The following TTC34 variants were observed in gnomAD, a reference collection of about 807,000 sequenced individuals.
TTC34 encodes tetratricopeptide repeat protein 34.
A neutral mutation model predicts 40.7 loss-of-function variants in TTC34; 44 were observed. The ratio of observed to expected loss-of-function variants is 1.08; its 90% CI spans 0.85 to 1.39. The LOEUF (loss-of-function observed/expected upper bound fraction) is 1.39. Ranked by LOEUF, TTC34 falls within the 40% of genes most tolerant of loss-of-function variation. TTC34 has a pLI of 0.00. For synonymous variants in TTC34, 422 were observed against 398.6 expected (o/e 1.06, Z -0.70); for missense variants, 884 against 838.0 (o/e 1.05, Z -0.68).
chr1:2,777,129 A>G (rs1643226271), intron 6 of TTC34, among the ~76,000 whole-genome samples: 1 of 61,894 alleles, frequency 1.6e-5, no homozygotes, highest in African/African-American at 7.4e-5. Context: ...AGCACCCCAC[A>G]CCCCCAGGTG....
At chr1:2,687,684 C>T (rs1367473379) in intron 6 of TTC34, among the ~76,000 whole-genome samples, 1 of 110,298 alleles carries the variant, frequency 9.1e-6, no homozygotes, top group Admixed American at 8.4e-5. Context: ...GCAGCACGCA[C>T]ACCCCCAGTT....
chr1:2,683,456 T>G (rs1640172335), intron 6 of TTC34, among the ~76,000 whole-genome samples: 1 of 150,876 alleles, frequency 6.6e-6, no homozygotes, highest in African/African-American at 2.4e-5. Flanking sequence ...TCCGACAGCC[T>G]GGAGCAGCAC....
rs1553171534 is a variant in TTC34, at chr1:2,792,033, T to TTTAA, written c.785-1688_785-1687insTTAA. On this transcript the variant is annotated intron_variant, in intron 2 of 8. Transcript: ENST00000401095. ...TTTTTTTTTTTTTTTTTTTTTTTTT[T>TTTAA]AAAGACAGGGTCTTGCTCCATCACC... Among the ~76,000 whole-genome samples, 16 of 107,104 alleles carry TTTAA rather than the reference T, an allele frequency of 1.5e-4. 1 individual carries two copies. The highest frequency in any genetic ancestry group is 2.9e-4 in the East Asian group (1 of 3,484). 70.3% of individuals were successfully genotyped at this position (107,104 alleles called of 152,430 possible). A position where few individuals can be genotyped will look rare whatever the true frequency, so the allele number is the denominator to read the frequency against.
chr1:2,759,437 C>T lies in TTC34; in HGVS notation c.2226+24172G>A, dbSNP rs1355080058. Among the ~76,000 whole-genome samples, 2 of 90,360 alleles carry T rather than the reference C, an allele frequency of 2.2e-5. 1 individual carries two copies. The highest frequency in any genetic ancestry group is 1.1e-4 in the African/African-American group (2 of 18,806). 59.3% of individuals were successfully genotyped at this position (90,360 alleles called of 152,430 possible). ...GTGACAGCCTGGATCAGCACCCACA[C>T]TCCCAGGCGAGCATCTGACAGCCTG... On this transcript the variant is annotated intron_variant, in intron 6 of 8. Coordinates refer to ENST00000401095, the Ensembl canonical transcript of TTC34.
Position 2,641,483 on chromosome 1 carries a change from GC to G in TTC34, c.3124del (p.Ala1042GlnfsTer7). On this transcript the variant is annotated frameshift_variant, in exon 9 of 9. Coordinates refer to ENST00000401095, the Ensembl canonical transcript of TTC34. LOFTEE classifies it low-confidence loss of function (END_TRUNC). Reference sequence around the variant, plus strand: ...GCTCTCTACCGCCGTCCAGGCCTCTGCGTGACGCTGCTCCTCCAGGCAGCAC... The same window carrying G: ...GCTCTCTACCGCCGTCCAGGCCTCTGGTGACGCTGCTCCTCCAGGCAGCAC... 1 of 1,535,710 alleles carries G rather than the reference GC, an allele frequency of 6.5e-7. No homozygotes were observed.
At chr1:2,790,385 G>C (rs904789219) in intron 2 of TTC34, 39 bp from the exon 3 acceptor site, 2 of 398,380 alleles carry the variant, frequency 5.0e-6, no homozygotes, top group African/African-American at 2.1e-5. Context: ...TGCCTGGGGG[G>C]CCGACTCCCC....
chr1:2,687,288 C>G (rs560837198), intron 6 of TTC34, among the ~76,000 whole-genome samples: 1 of 146,800 alleles, frequency 6.8e-6, no homozygotes, highest in Non-Finnish European at 1.5e-5. Context: ...CCCACAACCA[C>G]AGGTGAGCAT....
At chr1:2,760,468 T>C in intron 6 of TTC34, among the ~76,000 whole-genome samples, 1 of 52,224 alleles carries the variant, frequency 1.9e-5, no homozygotes, top group Non-Finnish European at 3.0e-5. Flanking sequence ...TCTGACAGCC[T>C]GGAACACCAC....
chr1:2,769,799 T>C (rs1189565592), intron 6 of TTC34, among the ~76,000 whole-genome samples: 6 of 104,222 alleles, frequency 5.8e-5, no homozygotes, highest in African/African-American at 2.2e-4. Context: ...CACCCCCAGG[T>C]GGGCATCTGA....
At chr1:2,787,580 G>A in exon 4 of TTC34, 1 of 1,548,552 alleles carries the variant, frequency 6.5e-7, no homozygotes, top group South Asian at 1.2e-5. Flanking sequence ...CCACCAGCAG[G>A]GCCTTGTGGG....
At chr1:2,662,760 CA>C (rs1639598164) in intron 6 of TTC34, among the ~76,000 whole-genome samples, 1 of 48,498 alleles carries the variant, frequency 2.1e-5, no homozygotes, top group African/African-American at 7.0e-5. Flanking sequence ...CAACCACACG[CA>C]CAGGTGAGAA....
rs547214393 is a variant in TTC34 at position 2,785,850 on chromosome 1, G to A, written c.2028C>T (p.Ile676=). Residue 676 remains isoleucine, a synonymous_variant, in exon 5 of 9, where the codon ATC becomes ATT. Transcript: ENST00000401095. ...CAAAGATGGCCAGAGACAGGTAGGC[G>A]ATGGCCTCCTTGGTGTGAACCCTGC... 102 of 1,544,372 alleles carry A rather than the reference G, an allele frequency of 6.6e-5. 1 individual carries two copies. Among genetic ancestry groups the A allele is most frequent in the Non-Finnish European group, 7.5e-5 (86 of 1,143,832 alleles).
intron 6 of TTC34, among the ~76,000 whole-genome samples, chr1:2,769,623 A>T (rs1641975647): frequency 8.9e-6 from 1 of 112,014 alleles, no homozygotes; most frequent in Middle Eastern, 0.011. Context: ...CTGGAACAGC[A>T]CCCACACCCC....
intron 6 of TTC34, among the ~76,000 whole-genome samples, chr1:2,778,565 C>G (rs1166588484): frequency 6.6e-6 from 1 of 152,320 alleles, no homozygotes; most frequent in Admixed American, 6.5e-5. Context: ...AACCACTGTT[C>G]AGCCACATCT....
At chr1:2,800,944 C>A (rs913967871) in intron 1 of TTC34, 76 bp from the exon 2 acceptor site, 3 of 397,972 alleles carry the variant, frequency 7.5e-6, no homozygotes, top group African/African-American at 2.1e-5. Context: ...TGCCCAGCCT[C>A]AAGCCACCTC....
At chr1:2,681,845 G>A (rs1329881535) in intron 6 of TTC34, among the ~76,000 whole-genome samples, 1 of 118,852 alleles carries the variant, frequency 8.4e-6, no homozygotes, top group East Asian at 2.2e-4. Flanking sequence ...GCATCTGACA[G>A]CCTGGAACAG....
intron 2 of TTC34, among the ~76,000 whole-genome samples, chr1:2,791,148 C>G (rs1569971754): frequency 6.6e-6 from 1 of 152,234 alleles, no homozygotes; most frequent in Non-Finnish European, 1.5e-5. Context: ...GCCCCCCACC[C>G]CAGTGTGTCT....
At chr1:2,758,519 C>T (rs1247214699) in intron 6 of TTC34, among the ~76,000 whole-genome samples, 11 of 80,018 alleles carry the variant, frequency 1.4e-4, no homozygotes, top group Non-Finnish European at 2.0e-4. Context: ...ACCCACACCC[C>T]CAGGTGAGCA....
intron 6 of TTC34, among the ~76,000 whole-genome samples, chr1:2,684,386 GAATCCA>G (rs1640221577): frequency 6.6e-6 from 1 of 151,330 alleles, no homozygotes. Flanking sequence ...GCCTGGAACA[GAATCCA>G]CACCCCCAGG....
Sources: gnomAD v4.1 joint callset for allele counts (sites outside exome capture counted in the v4.1 genomes callset) on GRCh38, gnomAD v4.1.1 for gene constraint, MANE v1.5 for transcripts, NCBI Gene and HGNC (gene_info 2026-07-23, HGNC 2026-07-21) for gene names.